Variants in ZNF407 observed in about 807,000 individuals in gnomAD.
ZNF407 encodes zinc finger protein 407.
ZNF407 carries 17 observed loss-of-function variants against 131.2 expected under a neutral mutation model. The ratio of observed to expected loss-of-function variants is 0.13; its 90% CI spans 0.09 to 0.19. ZNF407 has a LOEUF of 0.19. ZNF407 is among the 10% of genes least tolerant of loss of function. The pLI, the probability that ZNF407 is intolerant of heterozygous loss-of-function variation, is 1.00. For synonymous variants in ZNF407, 1,156 were observed against 1,062.0 expected, an observed-to-expected ratio of 1.09 and a Z score of -1.72; for missense variants, 2,681 against 2,830.6, an observed-to-expected ratio of 0.95 and a Z score of 1.20.
chr18:74,864,770 G>A lies in ZNF407; in HGVS notation c.4878-12427G>A, dbSNP rs370120534. ...GCAGTGTTGTATCAACTTGTGAGTG[G>A]CAAATAAGATCACAATAAGATGAGG... On this transcript the variant is annotated intron_variant, in intron 4 of 8. Transcript: ENST00000299687. Among the ~76,000 whole-genome samples, 20 of 152,262 alleles carry A rather than the reference G, an allele frequency of 1.3e-4. No individual in the cohort carries two copies. In the South Asian group the frequency reaches 3.5e-3, roughly 27 times the overall value.
At chr18:74,901,630 G>A (rs1466815578) in intron 7 of ZNF407, among the ~76,000 whole-genome samples, 4 of 152,144 alleles carry the variant, frequency 2.6e-5, no homozygotes, top group Non-Finnish European at 4.4e-5. Flanking sequence ...CCAAGGGCCC[G>A]TGTGCCATGC....
At chr18:75,008,767 C>T (rs533592460) in intron 8 of ZNF407, among the ~76,000 whole-genome samples, 113 of 152,196 alleles carry the variant, frequency 7.4e-4, no homozygotes, top group African/African-American at 2.5e-3. Flanking sequence ...TGATCTTTTG[C>T]GGTTTTACTT....
At chr18:74,651,086 C>T (rs983902208) in intron 3 of ZNF407, among the ~76,000 whole-genome samples, 2 of 151,958 alleles carry the variant, frequency 1.3e-5, no homozygotes, top group African/African-American at 4.8e-5. Context: ...TTGTTTTAGT[C>T]TTGATGTGTT....
intron 7 of ZNF407, 85 bp from the exon 8 acceptor site, chr18:74,920,429 G>A (rs1007849312): frequency 1.8e-6 from 2 of 1,136,528 alleles, no homozygotes; most frequent in Non-Finnish European, 2.4e-6. Context: ...AACACATACA[G>A]ACAGTGTTAT....
At chr18:74,612,978 G>A (rs1210095115) in intron 1 of ZNF407, among the ~76,000 whole-genome samples, 1 of 152,186 alleles carries the variant, frequency 6.6e-6, no homozygotes, top group Non-Finnish European at 1.5e-5. Context: ...AAAAATCTTA[G>A]TAAGTTTTTT....
chr18:74,904,518 C>G (rs1340523993), intron 7 of ZNF407, among the ~76,000 whole-genome samples: 1 of 152,202 alleles, frequency 6.6e-6, no homozygotes, highest in East Asian at 1.9e-4. Context: ...ACTGCACAAA[C>G]TCAAAGTCAG....
intron 4 of ZNF407, among the ~76,000 whole-genome samples, chr18:74,862,358 G>A (rs989919287): frequency 3.9e-5 from 6 of 152,168 alleles, no homozygotes; most frequent in Non-Finnish European, 8.8e-5. Context: ...GCTGTAAGTA[G>A]CCAGATATGT....
At chr18:74,598,940 C>T (rs190837189) in intron 1 of ZNF407, among the ~76,000 whole-genome samples, 47 of 152,312 alleles carry the variant, frequency 3.1e-4, no homozygotes, top group Non-Finnish European at 4.9e-4. Context: ...ATGTAGAATA[C>T]TTTTATAAGT....
chr18:74,720,497 T>G (rs565564004), intron 3 of ZNF407, among the ~76,000 whole-genome samples: 2 of 152,248 alleles, frequency 1.3e-5, no homozygotes, highest in African/African-American at 4.8e-5. Flanking sequence ...TGCAGAACCT[T>G]TTTAGTTTGA....
intron 3 of ZNF407, among the ~76,000 whole-genome samples, chr18:74,711,841 G>A (rs1486893651): frequency 6.6e-6 from 1 of 152,134 alleles, no homozygotes; most frequent in Admixed American, 6.5e-5. Flanking sequence ...CTCCTGGGTA[G>A]CTGGGATTAC....
chr18:74,652,652 T>G (rs1985279514), intron 3 of ZNF407, among the ~76,000 whole-genome samples: 1 of 151,952 alleles, frequency 6.6e-6, no homozygotes, highest in South Asian at 2.1e-4. Flanking sequence ...TTTTCAGGGG[T>G]GGGTGCTATA....
chr18:74,893,923 C>G (rs548699887), intron 7 of ZNF407, among the ~76,000 whole-genome samples: 80 of 152,148 alleles, frequency 5.3e-4, no homozygotes, highest in African/African-American at 1.8e-3. Context: ...AATCTGCAGG[C>G]AGCTTACCAT....
intron 3 of ZNF407, among the ~76,000 whole-genome samples, chr18:74,646,856 G>T (rs1424651810): frequency 1.3e-5 from 2 of 152,162 alleles, no homozygotes; most frequent in Non-Finnish European, 2.9e-5. Flanking sequence ...TCCTCACAGG[G>T]GAAGGACAGC....
intron 4 of ZNF407, among the ~76,000 whole-genome samples, chr18:74,865,577 A>T (rs942977814): frequency 6.6e-6 from 1 of 152,210 alleles, no homozygotes; most frequent in African/African-American, 2.4e-5. Context: ...TGAATGCTGG[A>T]AGGTACATAA....
In ZNF407 at chr18:75,063,975, A is replaced by T; in HGVS notation, c.6254A>T (p.Gln2085Leu). 1 of 1,613,480 alleles carries T rather than the reference A, an allele frequency of 6.2e-7. No homozygotes were observed. Among genetic ancestry groups the T allele is most frequent in the South Asian group, 1.1e-5 (1 of 90,966 alleles). ...AAGAAGATGGTCCAGGGCGTCCTCC[A>T]GTTTGCTGTGTGTGACACGGCCGCG... ...AFKKMVQGVLQFAVCDTAAAG... is the reference protein window; with the variant it reads ...AFKKMVQGVLLFAVCDTAAAG... Residue 2085 changes from glutamine (Q) to leucine (L), a missense_variant, in exon 9 of 9, where the codon CAG (glutamine) becomes CTG (leucine). Gln to Leu is a moderately radical substitution (Grantham distance 113). Coordinates refer to ENST00000299687, the MANE Select transcript of ZNF407 (RefSeq NM_017757.3). This position sits in a 1 kb window ranked among gnomAD's most constrained non-coding sequence, Gnocchi z 6.6.
chr18:74,712,540 A>G (rs1000453180), intron 3 of ZNF407, among the ~76,000 whole-genome samples: 9 of 152,154 alleles, frequency 5.9e-5, no homozygotes, highest in Non-Finnish European at 1.2e-4. Context: ...TGAGATTTGT[A>G]TGTGAGAAAC....
chr18:75,059,221 G>A (rs1013796284), intron 8 of ZNF407, among the ~76,000 whole-genome samples: 1 of 152,220 alleles, frequency 6.6e-6, no homozygotes, highest in Non-Finnish European at 1.5e-5. Flanking sequence ...TATCAGTGCT[G>A]CAAGGGATCC....
At chr18:74,903,037 TACCCTAGG>T (rs1049365127) in intron 7 of ZNF407, among the ~76,000 whole-genome samples, 3 of 152,176 alleles carry the variant, frequency 2.0e-5, no homozygotes, top group African/African-American at 7.2e-5. Flanking sequence ...CCACCTCTAA[TACCCTAGG>T]TGAGTCTAAG....
At chr18:74,867,899 A>G (rs954958231) in intron 4 of ZNF407, among the ~76,000 whole-genome samples, 1 of 152,210 alleles carries the variant, frequency 6.6e-6, no homozygotes, top group African/African-American at 2.4e-5. Flanking sequence ...TTCCATTAAT[A>G]TGCCAGTTTA....
Sources: allele counts gnomAD v4.1 joint callset (sites outside exome capture counted in the v4.1 genomes callset), GRCh38; gene constraint gnomAD v4.1.1; non-coding constraint Gnocchi (gnomAD v3.1); transcripts MANE v1.5; gene names NCBI Gene and HGNC (gene_info 2026-07-23, HGNC 2026-07-21).